MGAT4C: variants seen among roughly 807,000 people sequenced by gnomAD.
MGAT4C encodes alpha-1,3-mannosyl-glycoprotein 4-beta-N-acetylglucosaminyltransferase C.
A neutral mutation model predicts 40.1 loss-of-function variants in MGAT4C; 19 were observed. That is an observed-to-expected ratio of 0.47 (90% CI 0.33 to 0.70). MGAT4C has a LOEUF of 0.70. MGAT4C is among the 30% of genes least tolerant of loss of function. The pLI, the probability that MGAT4C is intolerant of heterozygous loss-of-function variation, is 0.02. For missense variants in MGAT4C, 491 were observed against 563.2 expected, an observed-to-expected ratio of 0.87 and a Z score of 1.30; for synonymous variants, 181 against 187.1, an observed-to-expected ratio of 0.97 and a Z score of 0.27.
At chr12:86,321,001 AC>A (rs1328309943) in intron 4 of MGAT4C, among the ~76,000 whole-genome samples, 1 of 152,122 alleles carries the variant, frequency 6.6e-6, no homozygotes, top group Non-Finnish European at 1.5e-5. Context: ...TCAAAAATGT[AC>A]CCTAAAAAAC....
intron 2 of MGAT4C, among the ~76,000 whole-genome samples, chr12:86,658,042 G>A (rs896614093): frequency 6.6e-6 from 1 of 151,748 alleles, no homozygotes; most frequent in South Asian, 2.1e-4. Context: ...AACATACTTA[G>A]GTGAATTAAT....
At chr12:86,495,531 G>C (rs946545210) in intron 2 of MGAT4C, among the ~76,000 whole-genome samples, 5 of 151,980 alleles carry the variant, frequency 3.3e-5, no homozygotes, top group African/African-American at 9.7e-5. Context: ...CTGGTGTTCT[G>C]TGTGTCCAGG....
chr12:86,302,728 C>T (rs1293149258), intron 4 of MGAT4C, among the ~76,000 whole-genome samples: 2 of 150,676 alleles, frequency 1.3e-5, no homozygotes, highest in Non-Finnish European at 2.9e-5. Context: ...CGCACCAGGA[C>T]AGCAGCCTCT....
At chr12:86,526,947 G>C (rs1592952956) in intron 2 of MGAT4C, among the ~76,000 whole-genome samples, 1 of 152,184 alleles carries the variant, frequency 6.6e-6, no homozygotes. Flanking sequence ...TTGTCCTGGA[G>C]TTGTTGGGGG....
chr12:86,309,813 T>G (rs931941373), intron 4 of MGAT4C, among the ~76,000 whole-genome samples: 15 of 152,200 alleles, frequency 9.9e-5, no homozygotes, highest in African/African-American at 3.1e-4. Context: ...TCTGATGACC[T>G]CCTTATTCAT....
chr12:86,768,588 G>T (rs1043268494), intron 1 of MGAT4C, among the ~76,000 whole-genome samples: 2 of 151,524 alleles, frequency 1.3e-5, no homozygotes, highest in African/African-American at 4.8e-5. Context: ...GAACAAAGCT[G>T]GAGGCATCAC....
chr12:86,143,143 C>T (rs1883066911), intron 1 of MGAT4C, among the ~76,000 whole-genome samples: 4 of 152,126 alleles, frequency 2.6e-5, no homozygotes. Context: ...GTTAAGCCAC[C>T]CAGTTTATGG....
At position 86,353,339 on chromosome 12, in the gene MGAT4C, A is replaced by G. The variant is rs145663404; in HGVS notation, c.-119-19212T>C. 6.4e-3 allele frequency among the ~76,000 whole-genome samples: 967 copies of G among 152,214 alleles called. 7 individuals carry two copies. The highest frequency in any genetic ancestry group is 8.9e-3 in the Non-Finnish European group (607 of 67,996). On this transcript the variant is annotated intron_variant, in intron 3 of 7. Coordinates refer to the MGAT4C transcript ENST00000548651. ...GGGTATAATACATAAACATCTAGAG[A>G]CTCTGAAAAATAAATAATAACAAGT...
chr12:86,301,899 T>C (rs1004425141), intron 4 of MGAT4C, among the ~76,000 whole-genome samples: 2 of 152,254 alleles, frequency 1.3e-5, no homozygotes, highest in South Asian at 2.1e-4. Flanking sequence ...AATCTTAGAA[T>C]TGATAACATG....
At chr12:86,536,086 A>G (rs1485131137) in intron 2 of MGAT4C, among the ~76,000 whole-genome samples, 2 of 152,078 alleles carry the variant, frequency 1.3e-5, no homozygotes, top group Non-Finnish European at 1.5e-5. Flanking sequence ...TTCTATGACT[A>G]CTTTAAAGAA....
At chr12:86,518,394 C>T (rs1363303853) in intron 2 of MGAT4C, among the ~76,000 whole-genome samples, 1 of 152,132 alleles carries the variant, frequency 6.6e-6, no homozygotes, top group Non-Finnish European at 1.5e-5. Context: ...TTTAAAGTCT[C>T]TTTGCAAAAT....
intron 3 of MGAT4C, among the ~76,000 whole-genome samples, chr12:86,349,573 C>T (rs768607673): frequency 1.3e-5 from 2 of 152,094 alleles, no homozygotes; most frequent in African/African-American, 4.8e-5. Flanking sequence ...CATCTAGGAA[C>T]GAACTAGTGC....
chr12:86,237,610 T>C (rs1308341250), intron 1 of MGAT4C, among the ~76,000 whole-genome samples: 1 of 151,832 alleles, frequency 6.6e-6, no homozygotes, highest in Non-Finnish European at 1.5e-5. Context: ...TTTATTCATA[T>C]CTCTATGGAA....
intron 1 of MGAT4C, among the ~76,000 whole-genome samples, chr12:86,084,510 A>T (rs1369332789): frequency 6.6e-6 from 1 of 151,940 alleles, no homozygotes; most frequent in Admixed American, 6.6e-5. Context: ...TTTGCCATGT[A>T]TATTATGTGG....
chr12:86,054,619 G>C (rs376885007), intron 1 of MGAT4C, among the ~76,000 whole-genome samples: 2 of 151,836 alleles, frequency 1.3e-5, no homozygotes, highest in Non-Finnish European at 2.9e-5. Context: ...GCTCAATTTA[G>C]CCATTCCACA....
intron 2 of MGAT4C, among the ~76,000 whole-genome samples, chr12:86,516,911 C>T (rs1021537564): frequency 2.0e-5 from 3 of 152,084 alleles, no homozygotes; most frequent in African/African-American, 7.2e-5. Flanking sequence ...AAAAGACAAA[C>T]ATTATACACA....
At chr12:86,596,717 T>C (rs1428462143) in intron 2 of MGAT4C, among the ~76,000 whole-genome samples, 4 of 152,074 alleles carry the variant, frequency 2.6e-5, no homozygotes, top group African/African-American at 9.7e-5. Context: ...ACAGAATATA[T>C]CTGAGATAGA....
intron 2 of MGAT4C, among the ~76,000 whole-genome samples, chr12:86,446,936 A>C (rs1957351688): frequency 6.6e-6 from 1 of 151,828 alleles, no homozygotes; most frequent in African/African-American, 2.4e-5. Context: ...CACTACTAAG[A>C]AGTTTTACTG....
At chr12:86,658,496 A>G (rs1189481516) in intron 2 of MGAT4C, among the ~76,000 whole-genome samples, 7 of 152,058 alleles carry the variant, frequency 4.6e-5, no homozygotes, top group Admixed American at 1.3e-4. Context: ...TGCTTACTAT[A>G]TGAGGCCTGA....
Sources: gnomAD v4.1 joint callset for allele counts (sites outside exome capture counted in the v4.1 genomes callset) on GRCh38, gnomAD v4.1.1 for gene constraint, MANE v1.5 for transcripts, NCBI Gene and HGNC (gene_info 2026-07-23, HGNC 2026-07-21) for gene names.